The following GRM3 variants were observed in gnomAD, a reference collection of about 807,000 sequenced individuals.
The protein encoded by GRM3 is metabotropic glutamate receptor 3.
A neutral mutation model predicts 70.5 loss-of-function variants in GRM3; 26 were observed. The ratio of observed to expected loss-of-function variants is 0.37; its 90% confidence interval spans 0.27 to 0.51. The LOEUF is 0.51. Among genes scored for constraint, GRM3 ranks in the 20% least tolerant of loss-of-function variants. GRM3 has a pLI of 0.93. For synonymous variants in GRM3, 443 were observed against 434.9 expected, an observed-to-expected ratio of 1.02 and a Z score of -0.23; for missense variants, 859 against 1,123.8, an observed-to-expected ratio of 0.76 and a Z score of 3.37.
chr7:86,800,186 G>C (rs1039543497), intron 3 of GRM3, among the ~76,000 whole-genome samples: 4 of 152,290 alleles, frequency 2.6e-5, no homozygotes, highest in African/African-American at 9.6e-5. Flanking sequence ...ACATCAAAAA[G>C]CTATGAGGAT....
At chr7:86,694,964 C>T (rs2116054115) in intron 1 of GRM3, among the ~76,000 whole-genome samples, 1 of 152,264 alleles carries the variant, frequency 6.6e-6, no homozygotes, top group East Asian at 1.9e-4. Context: ...CAAGGGTTCC[C>T]TTTCAAGACT....
At position 86,864,529 on chromosome 7, in the gene GRM3, T is replaced by C; in HGVS notation, c.*174T>C. ...AGTGATGTGCTAGAACTTTCTAGGCTGAGTCTAGTGCCCCTATTATTAACA... is the reference window on the plus strand; with the variant it reads ...AGTGATGTGCTAGAACTTTCTAGGCCGAGTCTAGTGCCCCTATTATTAACA... On this transcript the variant is annotated 3_prime_UTR_variant, in exon 6 of 6. Transcript: ENST00000361669. 1.7e-6 allele frequency: 1 copy of C among 575,638 alleles called. No individual in the cohort carries two copies. The highest frequency in any genetic ancestry group is 2.2e-5 in the South Asian group (1 of 46,012). 35.7% of individuals were successfully genotyped at this position (575,638 alleles called of 1,614,324 possible).
At position 86,765,540 on chromosome 7, in the gene GRM3, A is replaced by C; in HGVS notation, c.395A>C (p.Tyr132Ser). The C allele has an allele frequency of 3.1e-6, 5 of 1,613,766 alleles. No individual in the cohort carries two copies. The highest frequency in any genetic ancestry group is 4.2e-6 in the Non-Finnish European group (5 of 1,179,750). Reference sequence around the variant, plus strand: ...GAGTATATGTGTCCTGATGGATCCTATGCCATTCAAGAAAACATCCCACTT... The same window carrying C: ...GAGTATATGTGTCCTGATGGATCCTCTGCCATTCAAGAAAACATCCCACTT... ...EAEYMCPDGS[Y>S]AIQENIPLLI... Residue 132 changes from tyrosine (Y) to serine (S), a missense_variant, in exon 2 of 6, where the codon TAT becomes TCT. Tyr to Ser is a moderately radical substitution (Grantham distance 144, BLOSUM62 -2). Transcript: ENST00000361669.
chr7:86,817,887 T>G (rs537769112), intron 3 of GRM3, among the ~76,000 whole-genome samples: 1 of 152,138 alleles, frequency 6.6e-6, no homozygotes, highest in East Asian at 1.9e-4. Context: ...CAAAAGCAAC[T>G]ACCTGAGGTG....
intron 4 of GRM3, among the ~76,000 whole-genome samples, chr7:86,843,759 C>A (rs1239996236): frequency 1.3e-5 from 2 of 152,020 alleles, no homozygotes; most frequent in African/African-American, 4.8e-5. Flanking sequence ...AACTTACAGT[C>A]TAGTGGAGAA....
chr7:86,673,100 C>T (rs1376862378), intron 1 of GRM3, among the ~76,000 whole-genome samples: 5 of 151,972 alleles, frequency 3.3e-5, no homozygotes, highest in African/African-American at 7.3e-5. Context: ...AGAAAGATTC[C>T]CCAGGTATAT....
At chr7:86,758,552 G>A (rs369938027) in intron 1 of GRM3, among the ~76,000 whole-genome samples, 1 of 152,030 alleles carries the variant, frequency 6.6e-6, no homozygotes, top group African/African-American at 2.4e-5. Context: ...AAAATACTGT[G>A]CATTTTGATG....
intron 3 of GRM3, among the ~76,000 whole-genome samples, chr7:86,815,539 C>T (rs1797998430): frequency 1.3e-5 from 2 of 151,856 alleles, no homozygotes; most frequent in Admixed American, 1.3e-4. Context: ...AATACAAATT[C>T]TGGGGAAATT....
chr7:86,812,482 C>G (rs1160010061), intron 3 of GRM3, among the ~76,000 whole-genome samples: 2 of 151,492 alleles, frequency 1.3e-5, no homozygotes, highest in Admixed American at 6.6e-5. Flanking sequence ...GGTGTTAATT[C>G]CAAAAAAAGG....
chr7:86,826,915 T>C (rs1255188018), intron 3 of GRM3, among the ~76,000 whole-genome samples: 1 of 152,196 alleles, frequency 6.6e-6, no homozygotes, highest in Non-Finnish European at 1.5e-5. Flanking sequence ...TCACATTTAA[T>C]TGGCCGGTAT....
At chr7:86,802,416 G>A (rs969012093) in intron 3 of GRM3, among the ~76,000 whole-genome samples, 1 of 152,068 alleles carries the variant, frequency 6.6e-6, no homozygotes, top group Non-Finnish European at 1.5e-5. Flanking sequence ...AATAATATAA[G>A]AAGGTATTTG....
chr7:86,837,080 CAAG>C (rs1798470835), intron 3 of GRM3, among the ~76,000 whole-genome samples: 1 of 152,070 alleles, frequency 6.6e-6, no homozygotes, highest in African/African-American at 2.4e-5. Context: ...GGTGAGATAA[CAAG>C]AACACTACAA....
chr7:86,821,775 T>A (rs1257715550), intron 3 of GRM3, among the ~76,000 whole-genome samples: 1 of 152,156 alleles, frequency 6.6e-6, no homozygotes, highest in Non-Finnish European at 1.5e-5. Flanking sequence ...CAAGCATCAC[T>A]TGTTTACTAG....
chr7:86,768,886 G>A (rs544095348), intron 2 of GRM3, among the ~76,000 whole-genome samples: 1 of 152,222 alleles, frequency 6.6e-6, no homozygotes, highest in Non-Finnish European at 1.5e-5. Flanking sequence ...CTTCAATACA[G>A]GGTCCTGTAT....
chr7:86,654,046 C>G (rs548732331), intron 1 of GRM3, among the ~76,000 whole-genome samples: 38 of 152,308 alleles, frequency 2.5e-4, no homozygotes, highest in Admixed American at 4.6e-4. Context: ...ACATTCTTCA[C>G]TCAGCGTCCA....
chr7:86,806,977 TC>T, intron 3 of GRM3, among the ~76,000 whole-genome samples: 1 of 145,460 alleles, frequency 6.9e-6, no homozygotes, highest in Non-Finnish European at 1.5e-5. Context: ...TAGCCAGTTT[TC>T]CCAGCACCAT....
At chr7:86,754,300 G>A (rs1261843946) in intron 1 of GRM3, among the ~76,000 whole-genome samples, 1 of 152,064 alleles carries the variant, frequency 6.6e-6, no homozygotes, top group East Asian at 1.9e-4. Context: ...TCTCTTTAAT[G>A]TTTTAACCCT....
chr7:86,819,202 A>G (rs980201323), intron 3 of GRM3, among the ~76,000 whole-genome samples: 1 of 152,110 alleles, frequency 6.6e-6, no homozygotes, highest in Non-Finnish European at 1.5e-5. Context: ...AGAAATAACC[A>G]ACATTGTTTG....
rs151146488 is a variant in GRM3 at position 86,736,028 on chromosome 7, T to C, written c.-140-28978T>C. 6.4e-4 allele frequency among the ~76,000 whole-genome samples: 97 copies of C among 152,326 alleles called. 3 individuals are homozygous for C. The East Asian group carries it at 0.015, about 24-fold the overall frequency. ...TGAGACCAGAACTAACCCATGGTCT[T>C]CCTAGCTGACTTTTTCCACTGTGTT... is the stretch of plus-strand genomic sequence containing the variant. On this transcript the variant is annotated intron_variant, in intron 1 of 5. Coordinates refer to ENST00000361669, the MANE Select transcript of GRM3 (RefSeq NM_000840.3).
Sources: allele counts gnomAD v4.1 joint callset (sites outside exome capture counted in the v4.1 genomes callset), GRCh38; gene constraint gnomAD v4.1.1; transcripts MANE v1.5; gene names NCBI Gene and HGNC (gene_info 2026-07-23, HGNC 2026-07-21).